Variants in LINGO2 observed in about 807,000 individuals in gnomAD.
LINGO2 encodes the protein leucine rich repeat and Ig domain containing 2.
Under a neutral mutation model 30.6 loss-of-function variants are expected in LINGO2, and 14 were observed. That is an observed-to-expected ratio of 0.46 (90% confidence interval 0.30 to 0.72). The LOEUF is 0.72. Ranked by LOEUF, LINGO2 falls within the 30% of genes least tolerant of loss-of-function variation. The pLI, the probability that LINGO2 is intolerant of heterozygous loss-of-function variation, is 0.07. For synonymous variants in LINGO2, 317 were observed against 288.5 expected, an observed-to-expected ratio of 1.10 and a Z score of -1.00; for missense variants, 729 against 751.7, an observed-to-expected ratio of 0.97 and a Z score of 0.35.
chr9:28,869,203 A>G, the LINGO2 span, among the ~76,000 whole-genome samples: 1 of 152,128 alleles, frequency 6.6e-6, no homozygotes, highest in African/African-American at 2.4e-5. Flanking sequence ...TTGAAGAATC[A>G]AAGGGAATAC....
chr9:29,027,153 A>G, the LINGO2 span, among the ~76,000 whole-genome samples: 1 of 152,306 alleles, frequency 6.6e-6, no homozygotes, highest in East Asian at 1.9e-4. Flanking sequence ...CACAGGATAA[A>G]TAAAATGAGG....
chr9:28,065,674 G>A (rs938607879), intron 4 of LINGO2, among the ~76,000 whole-genome samples: 2 of 152,074 alleles, frequency 1.3e-5, no homozygotes, highest in African/African-American at 4.8e-5. Context: ...GAGTCTTTCA[G>A]GAATCCGGGG....
the LINGO2 span, among the ~76,000 whole-genome samples, chr9:28,801,987 C>A: frequency 6.6e-6 from 1 of 151,690 alleles, no homozygotes; most frequent in Non-Finnish European, 1.5e-5. Context: ...ATATAGTTTT[C>A]AATCTTTTCT....
At chr9:28,404,611 G>A (rs1217044296) in intron 2 of LINGO2, among the ~76,000 whole-genome samples, 2 of 152,124 alleles carry the variant, frequency 1.3e-5, no homozygotes, top group Admixed American at 1.3e-4. Flanking sequence ...GCTAGTGAGA[G>A]GCTAAATGTT....
chr9:28,616,375 T>C (rs184031888), intron 1 of LINGO2, among the ~76,000 whole-genome samples: 24 of 152,192 alleles, frequency 1.6e-4, no homozygotes, highest in African/African-American at 5.1e-4. Flanking sequence ...TGTCAGTCCG[T>C]TTGGCTTTGA....
chr9:28,583,297 T>A (rs1044002664), intron 1 of LINGO2, among the ~76,000 whole-genome samples: 5 of 151,968 alleles, frequency 3.3e-5, no homozygotes, highest in African/African-American at 1.2e-4. Context: ...ATTTTCTGAT[T>A]CCAAAATTGC....
Position 28,666,922 on chromosome 9 carries a change from T to A in LINGO2, c.-365+3278A>T, listed in dbSNP as rs184010484. Among the ~76,000 whole-genome samples the A allele has an allele frequency of 2.8e-3, 432 of 152,212 alleles. 1 individual carries two copies. Among genetic ancestry groups the A allele is most frequent in the African/African-American group, 9.0e-3 (373 of 41,564 alleles). On this transcript the variant is annotated intron_variant, in intron 1 of 5. Transcript: ENST00000379992. ...AAAATACAACAATTATAGCATTTTT[T>A]AAAAAAATATTCTTTATATTAAAAT... is the stretch of plus-strand genomic sequence containing the variant.
chr9:28,786,863 A>C, the LINGO2 span, among the ~76,000 whole-genome samples: 1 of 152,178 alleles, frequency 6.6e-6, no homozygotes, highest in Admixed American at 6.5e-5. Context: ...TTGACGGGTA[A>C]GCAGGAACAA....
chr9:28,946,118 T>C, the LINGO2 span, among the ~76,000 whole-genome samples: 1 of 152,218 alleles, frequency 6.6e-6, no homozygotes, highest in African/African-American at 2.4e-5. Context: ...ATGATTTACA[T>C]ATATGCTTTG....
At chr9:28,334,560 T>C (rs975018871) in intron 3 of LINGO2, among the ~76,000 whole-genome samples, 1 of 152,130 alleles carries the variant, frequency 6.6e-6, no homozygotes, top group Non-Finnish European at 1.5e-5. Context: ...CTCAGAACAA[T>C]GCCTGGTATG....
intron 4 of LINGO2, among the ~76,000 whole-genome samples, chr9:28,233,061 T>A (rs10968400): frequency 0.27 from 31,953 of 118,628 alleles, 4,622 homozygotes; most frequent in Non-Finnish European, 0.29. Context: ...TATATATATA[T>A]TAGATATATA....
intron 4 of LINGO2, among the ~76,000 whole-genome samples, chr9:28,061,281 C>G (rs192980040): frequency 6.6e-6 from 1 of 150,484 alleles, no homozygotes; most frequent in African/African-American, 2.5e-5. Context: ...AGGCCTTCAA[C>G]GTCTATTGGG....
the LINGO2 span, among the ~76,000 whole-genome samples, chr9:29,100,350 A>G: frequency 1.3e-5 from 2 of 151,808 alleles, no homozygotes; most frequent in African/African-American, 2.4e-5. Context: ...TAATCCCAGA[A>G]CTTTCAGAGG....
chr9:28,023,621 G>A (rs2119394388), intron 4 of LINGO2, among the ~76,000 whole-genome samples: 1 of 152,312 alleles, frequency 6.6e-6, no homozygotes, highest in South Asian at 2.1e-4. Flanking sequence ...GAAAGCTAGA[G>A]GATGCTGAAG....
chr9:28,787,826 A>C, the LINGO2 span, among the ~76,000 whole-genome samples: 1 of 152,178 alleles, frequency 6.6e-6, no homozygotes, highest in South Asian at 2.1e-4. Context: ...TAACACTTCT[A>C]ATGATTGGCA....
chr9:28,016,122 C>T (rs1366046477), intron 4 of LINGO2, among the ~76,000 whole-genome samples: 1 of 152,006 alleles, frequency 6.6e-6, no homozygotes, highest in Non-Finnish European at 1.5e-5. Context: ...ACCTGCATTT[C>T]CTGATTCCAA....
intron 1 of LINGO2, among the ~76,000 whole-genome samples, chr9:28,585,861 G>C (rs1003018504): frequency 2.0e-5 from 3 of 151,988 alleles, no homozygotes; most frequent in Non-Finnish European, 4.4e-5. Flanking sequence ...TTGAGCACCT[G>C]ATTTAATATG....
chr9:28,567,410 G>T (rs1193607313), intron 1 of LINGO2, among the ~76,000 whole-genome samples: 1 of 152,068 alleles, frequency 6.6e-6, no homozygotes, highest in East Asian at 1.9e-4. Context: ...TCCATCAACA[G>T]TGGGCTGGAT....
chr9:29,144,684 A>T, the LINGO2 span, among the ~76,000 whole-genome samples: 1 of 152,092 alleles, frequency 6.6e-6, no homozygotes, highest in Admixed American at 6.6e-5. Context: ...AGTTAAAGAG[A>T]CTAAGTCCTA....
Sources: gnomAD v4.1 joint callset for allele counts (sites outside exome capture counted in the v4.1 genomes callset) on GRCh38, gnomAD v4.1.1 for gene constraint, MANE v1.5 for transcripts, NCBI Gene and HGNC (gene_info 2026-07-23, HGNC 2026-07-21) for gene names.